SSR2: variants seen among roughly 807,000 people sequenced by gnomAD.
SSR2 encodes translocon-associated protein subunit beta.
SSR2 carries 16 observed loss-of-function variants against 22.6 expected under a neutral mutation model. The observed-to-expected ratio is 0.71, with a 90% CI of 0.48 to 1.08. The LOEUF (loss-of-function observed/expected upper bound fraction) is 1.08, where lower values mean the gene tolerates loss of function less well. SSR2 is among the 50% of genes least tolerant of loss of function. The pLI is 0.00. For missense variants in SSR2, 171 were observed against 221.6 expected, an observed-to-expected ratio of 0.77 and a Z score of 1.45; for synonymous variants, 83 against 91.2, an observed-to-expected ratio of 0.91 and a Z score of 0.51.
intron 4 of SSR2, 48 bp downstream of exon 4, chr1:156,014,913 G>A (rs1683028857): frequency 6.8e-7 from 1 of 1,463,488 alleles, no homozygotes; most frequent in South Asian, 1.2e-5. Flanking sequence ...GAGATTTTAA[G>A]GGAAGGCAGA....
intron 2 of SSR2, 83 bp from the exon 3 acceptor site, chr1:156,018,451 A>G: frequency 9.1e-7 from 1 of 1,097,722 alleles, no homozygotes; most frequent in Non-Finnish European, 1.3e-6. Flanking sequence ...TCACGCCTGT[A>G]ATCCCAGCAC....
Position 156,009,419 on chromosome 1 carries a change from T to C in SSR2, c.*121A>G. 7 of 783,484 alleles carry C rather than the reference T, an allele frequency of 8.9e-6. No homozygotes were observed. The South Asian group carries it at 1.1e-4, about 12-fold the overall frequency. 48.5% of individuals were successfully genotyped at this position (783,484 alleles called of 1,614,324 possible). A position where few individuals can be genotyped will look rare whatever the true frequency, so the allele number is the denominator to read the frequency against. On this transcript the variant is annotated 3_prime_UTR_variant, in exon 6 of 6. Coordinates refer to ENST00000295702, the MANE Select transcript of SSR2 (RefSeq NM_003145.4). ...GAGCAGGGCAGGATCCAGGAGAAAGTGGCCAAGGGCTAAGAGAGAAGAGAT... is the reference window on the plus strand; with the variant it reads ...GAGCAGGGCAGGATCCAGGAGAAAGCGGCCAAGGGCTAAGAGAGAAGAGAT...
At chr1:156,014,826 C>A in intron 4 of SSR2, 135 bp downstream of exon 4, 1 of 708,104 alleles carries the variant, frequency 1.4e-6, no homozygotes, top group South Asian at 1.8e-5. Flanking sequence ...CAGGTGTGAG[C>A]CACTGCGCCC....
intron 2 of SSR2, among the ~76,000 whole-genome samples, chr1:156,018,697 ACT>A (rs1350084935): frequency 6.6e-6 from 1 of 150,880 alleles, no homozygotes; most frequent in African/African-American, 2.4e-5. Flanking sequence ...ACAGAGCGAG[ACT>A]CTGTCTCAAA....
chr1:156,017,896 C>T (rs1000816775), intron 3 of SSR2, among the ~76,000 whole-genome samples: 7 of 151,076 alleles, frequency 4.6e-5, no homozygotes, highest in Non-Finnish European at 7.4e-5. Flanking sequence ...ACTATAGGTG[C>T]GCGCCATCAT....
At chr1:156,019,542 G>A (rs1683113994) in intron 2 of SSR2, among the ~76,000 whole-genome samples, 1 of 152,026 alleles carries the variant, frequency 6.6e-6, no homozygotes, top group Non-Finnish European at 1.5e-5. Flanking sequence ...CCGCCACCAC[G>A]CCTGGCTAAT....
intron 3 of SSR2, among the ~76,000 whole-genome samples, chr1:156,016,526 G>T (rs566155679): frequency 6.6e-6 from 1 of 151,848 alleles, no homozygotes; most frequent in Admixed American, 6.6e-5. Flanking sequence ...GTAAGCCACC[G>T]CGCCTGGCCA....
intron 3 of SSR2, among the ~76,000 whole-genome samples, chr1:156,015,374 G>C (rs1012241697): frequency 2.6e-5 from 4 of 151,112 alleles, no homozygotes; most frequent in African/African-American, 9.7e-5. Context: ...GGGCATGGCA[G>C]CATGCGCCTG....
Position 156,016,434 on chromosome 1 carries a change from CTG to C in SSR2, c.255-1367_255-1366del, listed in dbSNP as rs1431926066. Among the ~76,000 whole-genome samples the C allele has an allele frequency of 7.2e-5, 11 of 151,916 alleles. No homozygotes were observed. The East Asian group carries it at 7.8e-4, about 11-fold the overall frequency. ...TATTTTTAGTAGAGACAGGGTTTCA[CTG>C]TGTGTTAGCCAGGATGGTCTCGATC... On this transcript the variant is annotated intron_variant, in intron 3 of 5. Transcript: ENST00000295702.
At position 156,009,474 on chromosome 1, in the gene SSR2, AAG is replaced by A. The variant is rs774415523; in HGVS notation, c.*64_*65del. On this transcript the variant is annotated 3_prime_UTR_variant, in exon 6 of 6. Transcript: ENST00000295702. ...TTTAAGATACCCTTTGGAGTCTGGAAAGCACCTGGATTTCTTGGGAGAGGAGC... is the reference window on the plus strand; with the variant it reads ...TTTAAGATACCCTTTGGAGTCTGGAACACCTGGATTTCTTGGGAGAGGAGC... 3.0e-4 allele frequency: 383 copies of A among 1,265,144 alleles called. 1 individual carries two copies. Among genetic ancestry groups the A allele is most frequent in the Non-Finnish European group, 4.1e-4 (359 of 865,772 alleles). 78.4% of individuals were successfully genotyped at this position (1,265,144 alleles called of 1,614,324 possible). A position where few individuals can be genotyped will look rare whatever the true frequency, so the allele number is the denominator to read the frequency against.
chr1:156,009,464 G>T lies in SSR2; in HGVS notation c.*76C>A. ...AGAGATTGCATTTAAGATACCCTTT[G>T]GAGTCTGGAAAGCACCTGGATTTCT... On this transcript the variant is annotated 3_prime_UTR_variant, in exon 6 of 6. Transcript: ENST00000295702. 1 of 1,119,506 alleles carries T rather than the reference G, an allele frequency of 8.9e-7. No individual in the cohort carries two copies. Among genetic ancestry groups the T allele is most frequent in the Non-Finnish European group, 1.4e-6 (1 of 733,612 alleles). 69.3% of individuals were successfully genotyped at this position (1,119,506 alleles called of 1,614,324 possible). A position where few individuals can be genotyped will look rare whatever the true frequency, so the allele number is the denominator to read the frequency against.
chr1:156,018,994 C>T (rs1683105603), intron 2 of SSR2: 1 of 172,194 alleles, frequency 5.8e-6, no homozygotes, highest in Non-Finnish European at 1.3e-5. Context: ...GAGACTGCAC[C>T]ACTGCACTCC....
chr1:156,013,425 CAAAAAGAAA>C (rs369752671), intron 4 of SSR2: 14,721 of 140,010 alleles, frequency 0.11, 747 homozygotes, highest in Middle Eastern at 0.13. Flanking sequence ...GACTCTGTCT[CAAAAAGAAA>C]AAAAAGAAAA....
Position 156,020,146 on chromosome 1 carries a change from C to T in SSR2, c.22G>A (p.Val8Met), listed in dbSNP as rs1572259671. The change falls in exon 2 of 6, where the codon GTG (valine) becomes ATG (methionine). Residue 8 changes from valine (V) to methionine (M), a missense_variant. Val to Met is a conservative substitution (Grantham distance 21). Transcript: ENST00000295702. Reference protein sequence around the residue: MRLLSFVVLALFAVTQAE... With the variant: MRLLSFVMLALFAVTQAE... ...TGAGTGACAGCAAATAGAGCCAACA[C>T]CACAAATGACAGCAGCCTCATCTTT... The T allele has an allele frequency of 1.9e-6, 3 of 1,614,042 alleles. No individual in the cohort carries two copies. The highest frequency in any genetic ancestry group is 4.5e-5 in the East Asian group (2 of 44,878).
At chr1:156,015,602 AAAAG>A (rs1256064022) in intron 3 of SSR2, among the ~76,000 whole-genome samples, 7 of 146,192 alleles carry the variant, frequency 4.8e-5, no homozygotes, top group Non-Finnish European at 1.1e-4. Flanking sequence ...TATTAAAAAA[AAAAG>A]AGAGAGAGAT....
chr1:156,020,832 C>A (rs1683142102), intron 1 of SSR2, 56 bp downstream of exon 1: 1 of 459,808 alleles, frequency 2.2e-6, no homozygotes, highest in Admixed American at 2.4e-5. Context: ...CGGGGTGATG[C>A]GCGGACACGA....
chr1:156,010,004 C>A (rs1682957368), intron 5 of SSR2, among the ~76,000 whole-genome samples: 1 of 152,076 alleles, frequency 6.6e-6, no homozygotes, highest in South Asian at 2.1e-4. Flanking sequence ...GAACTCCTGA[C>A]CTTATGATCT....
At chr1:156,012,539 T>G in intron 4 of SSR2, 1 of 456,272 alleles carries the variant, frequency 2.2e-6, no homozygotes, top group South Asian at 1.5e-5. Context: ...AACTACCAGG[T>G]AGAACCAAAG....
At chr1:156,019,388 C>CTTTT in intron 2 of SSR2, 1 of 206,416 alleles carries the variant, frequency 4.8e-6, no homozygotes, top group Non-Finnish European at 1.0e-5. Context: ...GAAAATTACA[C>CTTTT]TTTTTTTTTT....
Sources: gnomAD v4.1 joint callset for allele counts (sites outside exome capture counted in the v4.1 genomes callset) on GRCh38, gnomAD v4.1.1 for gene constraint, MANE v1.5 for transcripts, NCBI Gene and HGNC (gene_info 2026-07-23, HGNC 2026-07-21) for gene names.